The following LARGE1 variants were observed in gnomAD, a reference collection of about 807,000 sequenced individuals.
The protein encoded by LARGE1 is LARGE xylosyl- and glucuronyltransferase 1, also known as xylosyl- and glucuronyltransferase LARGE1.
In LARGE1, 43 loss-of-function variants were observed where a neutral mutation model predicts 87.6. The observed-to-expected ratio is 0.49, with a 90% CI of 0.38 to 0.63. LARGE1 has a LOEUF of 0.63. LARGE1 is among the 30% of genes least tolerant of loss of function. The pLI, the probability that LARGE1 is intolerant of heterozygous loss-of-function variation, is 0.00. For synonymous variants in LARGE1, 434 were observed against 394.6 expected (o/e 1.10, Z -1.18); for missense variants, 802 against 1,000.2 (o/e 0.80, Z 2.67).
At chr22:33,359,181 T>A (rs2064289245) in intron 9 of LARGE1, among the ~76,000 whole-genome samples, 2 of 152,106 alleles carry the variant, frequency 1.3e-5, no homozygotes. Flanking sequence ...TTATATATCA[T>A]GTTTTCATTG....
At chr22:33,580,937 A>C (rs2078500638) in intron 5 of LARGE1, among the ~76,000 whole-genome samples, 1 of 152,218 alleles carries the variant, frequency 6.6e-6, no homozygotes, top group South Asian at 2.1e-4. Flanking sequence ...AGTATACAAA[A>C]GCATACATAA....
chr22:33,134,499 CGCCCGCCTCGGCCTCCCAAAGT>C, the LARGE1 span, among the ~76,000 whole-genome samples: 1 of 152,150 alleles, frequency 6.6e-6, no homozygotes, highest in African/African-American at 2.4e-5. Context: ...GCTTGTGATC[CGCCCGCCTCGGCCTCCCAAAGT>C]GCTGGGATTA....
chr22:33,724,708 C>A (rs1427032434), intron 2 of LARGE1: 1 of 152,046 alleles, frequency 6.6e-6, no homozygotes, highest in Non-Finnish European at 1.5e-5. Flanking sequence ...TTGGCTCATT[C>A]ATTTATTCAT....
chr22:33,116,564 C>T, the LARGE1 span, among the ~76,000 whole-genome samples: 152 of 151,688 alleles, frequency 1.0e-3, 1 homozygote, highest in South Asian at 1.0e-3. Context: ...GGGGTTTCAC[C>T]GTGTTAGCCA....
At chr22:33,594,765 C>T (rs368759231) in intron 5 of LARGE1, among the ~76,000 whole-genome samples, 12 of 152,306 alleles carry the variant, frequency 7.9e-5, no homozygotes, top group African/African-American at 2.9e-4. Flanking sequence ...CACCACCATG[C>T]CCGGCTAATT....
chr22:33,902,116 A>G (rs2065299399), intron 1 of LARGE1, among the ~76,000 whole-genome samples: 1 of 152,234 alleles, frequency 6.6e-6, no homozygotes, highest in Non-Finnish European at 1.5e-5. Context: ...GAATGAACAG[A>G]AATCATTCCA....
intron 7 of LARGE1, among the ~76,000 whole-genome samples, chr22:33,399,971 G>A (rs1234677478): frequency 1.3e-5 from 2 of 152,212 alleles, no homozygotes; most frequent in Admixed American, 1.3e-4. Context: ...CAGAAGGCAA[G>A]TAATTTTGCA....
intron 1 of LARGE1, among the ~76,000 whole-genome samples, chr22:33,912,483 T>C (rs1037254039): frequency 2.0e-5 from 3 of 152,196 alleles, no homozygotes; most frequent in African/African-American, 7.2e-5. Context: ...TCTTCCCAAT[T>C]GGCCTTGGTA....
chr22:33,361,046 C>G (rs1480083869), intron 9 of LARGE1, among the ~76,000 whole-genome samples: 1 of 148,938 alleles, frequency 6.7e-6, no homozygotes, highest in East Asian at 1.9e-4. Flanking sequence ...GAAACCCAGT[C>G]TCTACTAAAA....
chr22:33,128,864 A>G, the LARGE1 span, among the ~76,000 whole-genome samples: 3 of 152,308 alleles, frequency 2.0e-5, no homozygotes, highest in African/African-American at 7.2e-5. Flanking sequence ...CAAACACCAC[A>G]TGTTCTCACT....
At chr22:33,733,313 T>G (rs2083535929) in intron 2 of LARGE1, 2 of 152,324 alleles carry the variant, frequency 1.3e-5, no homozygotes, top group African/African-American at 4.8e-5. Flanking sequence ...TCTTCTATTT[T>G]TAATACACCC....
chr22:33,256,064 G>A (rs1477513573), intron 11 of LARGE1, among the ~76,000 whole-genome samples: 1 of 152,146 alleles, frequency 6.6e-6, no homozygotes, highest in Non-Finnish European at 1.5e-5. Flanking sequence ...AGTCCAGAAT[G>A]GCAGATCTTG....
At chr22:33,190,047 A>G (rs1923693860) in intron 11 of LARGE1, among the ~76,000 whole-genome samples, 1 of 152,226 alleles carries the variant, frequency 6.6e-6, no homozygotes, top group African/African-American at 2.4e-5. Context: ...GATAATTAAT[A>G]TTTAAAACTG....
chr22:33,777,324 G>C (rs770475106), intron 1 of LARGE1, among the ~76,000 whole-genome samples: 1 of 152,090 alleles, frequency 6.6e-6, no homozygotes, highest in Non-Finnish European at 1.5e-5. Flanking sequence ...TTCCGAGCAG[G>C]AATGATGGGA....
chr22:33,882,075 C>T (rs1335791516), intron 1 of LARGE1, among the ~76,000 whole-genome samples: 1 of 147,496 alleles, frequency 6.8e-6, no homozygotes, highest in East Asian at 2.0e-4. Context: ...CGGAGTCTCG[C>T]TCTGTCACCC....
At chr22:33,854,900 G>A (rs2063713799) in intron 1 of LARGE1, among the ~76,000 whole-genome samples, 1 of 152,166 alleles carries the variant, frequency 6.6e-6, no homozygotes, top group Non-Finnish European at 1.5e-5. Context: ...TGCATCAAGC[G>A]AGGCCGCGTC....
At chr22:33,410,437 T>C (rs935750853) in intron 7 of LARGE1, among the ~76,000 whole-genome samples, 1 of 151,664 alleles carries the variant, frequency 6.6e-6, no homozygotes, top group Non-Finnish European at 1.5e-5. Context: ...CGGGGGGCGG[T>C]TTCCTCCATG....
the LARGE1 span, chr22:33,105,409 A>C: frequency 3.9e-5 from 6 of 151,938 alleles, no homozygotes; most frequent in Non-Finnish European, 7.4e-5. Context: ...CTCATTTCCA[A>C]ATGGCAGGCT....
intron 6 of LARGE1, among the ~76,000 whole-genome samples, chr22:33,481,254 CA>C (rs1044933957): frequency 7.1e-5 from 10 of 140,480 alleles, no homozygotes; most frequent in South Asian, 2.3e-4. Flanking sequence ...CGTACACACA[CA>C]TTTTTTTTTT....
Sources: gnomAD v4.1 joint callset for allele counts (sites outside exome capture counted in the v4.1 genomes callset) on GRCh38, gnomAD v4.1.1 for gene constraint, MANE v1.5 for transcripts, NCBI Gene and HGNC (gene_info 2026-07-23, HGNC 2026-07-21) for gene names.